The following SERPINE2 variants were observed in gnomAD, a reference collection of about 807,000 sequenced individuals.
The protein encoded by SERPINE2 is glia-derived nexin.
Under a neutral mutation model 36.3 loss-of-function variants are expected in SERPINE2, and 14 were observed. That is an observed-to-expected ratio of 0.39 (90% CI 0.25 to 0.60). The LOEUF (loss-of-function observed/expected upper bound fraction) is 0.60, where lower values mean the gene tolerates loss of function less well. Among genes scored for constraint, SERPINE2 ranks in the 20% least tolerant of loss-of-function variants. SERPINE2 has a pLI of 0.57. For synonymous variants in SERPINE2, 192 were observed against 191.8 expected, an observed-to-expected ratio of 1.00 and a Z score of -0.01; for missense variants, 418 against 499.6, an observed-to-expected ratio of 0.84 and a Z score of 1.56.
At chr2:224,031,894 G>T (rs1041217043) in intron 1 of SERPINE2, among the ~76,000 whole-genome samples, 1 of 152,060 alleles carries the variant, frequency 6.6e-6, no homozygotes, top group Non-Finnish European at 1.5e-5. Context: ...CAGAAGCAGA[G>T]ATGAGAGGCA....
chr2:223,996,754 C>G (rs1360117902), intron 3 of SERPINE2, among the ~76,000 whole-genome samples: 1 of 152,202 alleles, frequency 6.6e-6, no homozygotes, highest in African/African-American at 2.4e-5. Context: ...TGGGCTTCTT[C>G]TTCCTATTGA....
In SERPINE2 at chr2:223,977,621, A is replaced by C. The variant is rs1159466174; in HGVS notation, c.1079T>G (p.Ile360Ser). ...GTKASAATTAILIARSSPPWF... is the reference protein window; with the variant it reads ...GTKASAATTASLIARSSPPWF... Reference sequence around the variant, plus strand: ...GGGAGGCGATGATCTTGCAATGAGAATTGCAGCTACGGGAAGAAAAGGAAA... The same window carrying C: ...GGGAGGCGATGATCTTGCAATGAGACTTGCAGCTACGGGAAGAAAAGGAAA... The change falls in exon 8 of 9, where the codon ATT (isoleucine) becomes AGT (serine). Residue 360 changes from isoleucine to serine, a missense_variant. Coordinates refer to ENST00000409304, the MANE Select transcript of SERPINE2 (RefSeq NM_001136528.2). 1 of 1,611,468 alleles carries C rather than the reference A, an allele frequency of 6.2e-7. No homozygotes were observed. Among genetic ancestry groups the C allele is most frequent in the Admixed American group, 1.7e-5 (1 of 59,994 alleles).
intron 1 of SERPINE2, among the ~76,000 whole-genome samples, chr2:224,029,581 T>G (rs1023554975): frequency 2.0e-5 from 3 of 152,212 alleles, no homozygotes; most frequent in Admixed American, 6.5e-5. Flanking sequence ...CTGGACACAG[T>G]AGAATGATTT....
intron 1 of SERPINE2, among the ~76,000 whole-genome samples, chr2:224,014,985 T>C (rs1433734792): frequency 6.6e-6 from 1 of 151,808 alleles, no homozygotes; most frequent in African/African-American, 2.4e-5. Flanking sequence ...CTGAAGACAT[T>C]TTTTTTGGTT....
intron 6 of SERPINE2, 61 bp downstream of exon 6, chr2:223,982,620 A>T: frequency 2.0e-6 from 2 of 1,014,066 alleles, no homozygotes; most frequent in Non-Finnish European, 3.0e-6. Context: ...TCTCTGCACA[A>T]ATCAGTCTCA....
At chr2:223,982,316 A>C (rs1245631154) in intron 6 of SERPINE2, 1 of 163,152 alleles carries the variant, frequency 6.1e-6, no homozygotes, top group Admixed American at 6.3e-5. Flanking sequence ...ATGGAGACTC[A>C]GAAGGAGGAG....
At chr2:223,983,028 G>A (rs528986778) in intron 5 of SERPINE2, among the ~76,000 whole-genome samples, 128 of 152,352 alleles carry the variant, frequency 8.4e-4, no homozygotes, top group African/African-American at 3.0e-3. Flanking sequence ...ACCCTCAGGT[G>A]TAATGGGCCC....
chr2:223,976,041 C>T (rs1427035850), intron 8 of SERPINE2, 137 bp from the exon 9 acceptor site: 1 of 642,902 alleles, frequency 1.6e-6, no homozygotes, highest in East Asian at 2.9e-5. Flanking sequence ...TAACTTTCTG[C>T]AGTGGTAGAG....
Position 224,001,754 on chromosome 2 carries a change from G to A in SERPINE2, c.147C>T (p.Asp49=), listed in dbSNP as rs773193845. ...TCCCATGGGGAGAGATCACGATGTT[G>A]TCATGAGGCCTCGACTTCACAATCT... is the stretch of plus-strand genomic sequence containing the variant. ...FNQIVKSRPH[D]NIVISPHGIA... Residue 49 remains aspartate, a synonymous_variant, in exon 2 of 9, where the codon GAC becomes GAT. Coordinates refer to ENST00000409304, the MANE Select transcript of SERPINE2 (RefSeq NM_001136528.2). The A allele has an allele frequency of 5.6e-6, 9 of 1,614,032 alleles. No homozygotes were observed. Among genetic ancestry groups the A allele is most frequent in the Non-Finnish European group, 7.6e-6 (9 of 1,180,040 alleles).
chr2:223,983,616 C>T (rs6436449), intron 5 of SERPINE2, among the ~76,000 whole-genome samples: 124,233 of 151,458 alleles, frequency 0.82, 51,042 homozygotes, highest in Admixed American at 0.85. Flanking sequence ...ATAGGTGACA[C>T]GGTATTATAT....
At chr2:223,994,162 G>A (rs2106153993) in intron 3 of SERPINE2, among the ~76,000 whole-genome samples, 1 of 152,230 alleles carries the variant, frequency 6.6e-6, no homozygotes, top group South Asian at 2.1e-4. Context: ...CATGACACCT[G>A]CAGTATTTTA....
chr2:224,009,957 T>A (rs1267860985), intron 1 of SERPINE2, among the ~76,000 whole-genome samples: 1 of 152,178 alleles, frequency 6.6e-6, no homozygotes, highest in Non-Finnish European at 1.5e-5. Context: ...TCACATATGG[T>A]CTCTGTCTCT....
At chr2:224,024,463 C>T (rs1490879115) in intron 1 of SERPINE2, among the ~76,000 whole-genome samples, 3 of 152,180 alleles carry the variant, frequency 2.0e-5, no homozygotes, top group Non-Finnish European at 2.9e-5. Context: ...GATGCTAATG[C>T]CTTGTGAAGG....
At chr2:223,990,178 G>T (rs144797535) in intron 4 of SERPINE2, among the ~76,000 whole-genome samples, 1 of 152,262 alleles carries the variant, frequency 6.6e-6, no homozygotes, top group African/African-American at 2.4e-5. Context: ...CCAGCAAGAA[G>T]AGAGAGGGCA....
At chr2:223,991,491 T>A (rs1364213092) in intron 4 of SERPINE2, among the ~76,000 whole-genome samples, 2 of 152,246 alleles carry the variant, frequency 1.3e-5, no homozygotes, top group Admixed American at 6.5e-5. Context: ...AATGCTCACT[T>A]ATACTCATTT....
chr2:224,018,945 A>T (rs760443384), intron 1 of SERPINE2, among the ~76,000 whole-genome samples: 2 of 152,220 alleles, frequency 1.3e-5, no homozygotes, highest in Non-Finnish European at 2.9e-5. Flanking sequence ...GCACTGCCCC[A>T]GTGACTCTAA....
At chr2:223,977,459 C>G in intron 8 of SERPINE2, 85 bp downstream of exon 8, 1 of 848,114 alleles carries the variant, frequency 1.2e-6, no homozygotes, top group Non-Finnish European at 2.1e-6. Flanking sequence ...GGACTATGGG[C>G]ACCACTGTTG....
rs532375577 is a variant in SERPINE2, at chr2:223,975,482, AT to A, written c.*384del. The A allele has an allele frequency of 9.6e-5, 16 of 166,244 alleles. No homozygotes were observed. The highest frequency in any genetic ancestry group is 3.3e-4 in the East Asian group (2 of 6,126). 10.3% of individuals were successfully genotyped at this position (166,244 alleles called of 1,614,324 possible). On this transcript the variant is annotated 3_prime_UTR_variant, in exon 9 of 9. Transcript: ENST00000409304. ...TAAAAAGTAAAAGCTACCATAAAAC[AT>A]TTTTTTTTCTGTCACACTGATTAAA...
At chr2:223,981,755 A>T (rs1040596484) in intron 6 of SERPINE2, 8 of 152,232 alleles carry the variant, frequency 5.3e-5, no homozygotes, top group Non-Finnish European at 8.8e-5. Flanking sequence ...AACTCTAGAA[A>T]AAGGTACATA....
Sources: allele counts gnomAD v4.1 joint callset (sites outside exome capture counted in the v4.1 genomes callset), GRCh38; gene constraint gnomAD v4.1.1; transcripts MANE v1.5; gene names NCBI Gene and HGNC (gene_info 2026-07-23, HGNC 2026-07-21).